IFNG-AS1: variants seen among roughly 807,000 people sequenced by gnomAD.
IFNG-AS1 encodes IFNG antisense RNA 1 (non-protein coding).
At chr12:68,018,273 A>T (rs2120484336) in intron 3 of IFNG-AS1, among the ~76,000 whole-genome samples, 1 of 152,220 alleles carries the variant, frequency 6.6e-6, no homozygotes, top group Middle Eastern at 3.4e-3. Flanking sequence ...GTCTTATACA[A>T]ATTTATATCC....
intron 3 of IFNG-AS1, among the ~76,000 whole-genome samples, chr12:68,007,749 T>C (rs1254537171): frequency 6.6e-6 from 1 of 152,156 alleles, no homozygotes; most frequent in African/African-American, 2.4e-5. Context: ...GAAAATACTT[T>C]TGGGAAGGCT....
chr12:68,000,331 G>A, intron 2 of IFNG-AS1, among the ~76,000 whole-genome samples: 1 of 152,056 alleles, frequency 6.6e-6, no homozygotes, highest in African/African-American at 2.4e-5. Flanking sequence ...TAAAAGAGAT[G>A]ACTTAACACC....
At chr12:68,004,555 C>A (rs1879864573) in intron 2 of IFNG-AS1, among the ~76,000 whole-genome samples, 2 of 152,248 alleles carry the variant, frequency 1.3e-5, no homozygotes, top group South Asian at 4.1e-4. Context: ...ACTCAGTCCA[C>A]ATGGGTCTTT....
intron 2 of IFNG-AS1, among the ~76,000 whole-genome samples, chr12:68,002,758 A>T (rs1225400619): frequency 6.6e-6 from 1 of 152,158 alleles, no homozygotes; most frequent in Non-Finnish European, 1.5e-5. Flanking sequence ...CTTTTGAGGG[A>T]AACTGCATCT....
At chr12:68,008,695 G>A (rs1342619955) in intron 3 of IFNG-AS1, among the ~76,000 whole-genome samples, 1 of 152,120 alleles carries the variant, frequency 6.6e-6, no homozygotes, top group Non-Finnish European at 1.5e-5. Flanking sequence ...CATATGCTAG[G>A]GTTTCATAGT....
At chr12:68,004,234 C>G (rs573670914) in intron 2 of IFNG-AS1, among the ~76,000 whole-genome samples, 1 of 152,188 alleles carries the variant, frequency 6.6e-6, no homozygotes, top group East Asian at 1.9e-4. Flanking sequence ...GCATGGACAG[C>G]ACTCTTTTAT....
At chr12:68,011,277 C>T (rs529991102) in intron 3 of IFNG-AS1, among the ~76,000 whole-genome samples, 7 of 152,326 alleles carry the variant, frequency 4.6e-5, no homozygotes, top group Admixed American at 3.9e-4. Flanking sequence ...GTAAGGTAAA[C>T]TTAAATTTGA....
exon 1 of IFNG-AS1, chr12:67,989,563 G>A (rs917262426): frequency 2.0e-5 from 3 of 152,182 alleles, no homozygotes; most frequent in Admixed American, 6.5e-5. Context: ...AAGATACAAC[G>A]AACTAGCACA....
At chr12:68,004,071 C>T (rs1351854221) in intron 2 of IFNG-AS1, among the ~76,000 whole-genome samples, 1 of 151,938 alleles carries the variant, frequency 6.6e-6, no homozygotes, top group African/African-American at 2.4e-5. Context: ...GAAGCCATGC[C>T]CCCTCACACC....
chr12:68,014,602 T>C (rs1273103474), intron 3 of IFNG-AS1, among the ~76,000 whole-genome samples: 5 of 152,162 alleles, frequency 3.3e-5, no homozygotes, highest in African/African-American at 4.8e-5. Context: ...CTTTTGAGAA[T>C]TGAGCAGACA....
chr12:68,005,044 T>A (rs1879875246), intron 2 of IFNG-AS1, among the ~76,000 whole-genome samples: 1 of 152,296 alleles, frequency 6.6e-6, no homozygotes, highest in Non-Finnish European at 1.5e-5. Context: ...AAAGCAATCA[T>A]GGTGGACAAG....
chr12:68,017,531 C>T (rs915011886), intron 3 of IFNG-AS1, among the ~76,000 whole-genome samples: 1 of 152,088 alleles, frequency 6.6e-6, no homozygotes, highest in Non-Finnish European at 1.5e-5. Flanking sequence ...TGGAGATAAA[C>T]TGGATGTGGA....
At chr12:67,991,900 A>G (rs1200028089) in intron 1 of IFNG-AS1, among the ~76,000 whole-genome samples, 1 of 152,236 alleles carries the variant, frequency 6.6e-6, no homozygotes, top group Admixed American at 6.5e-5. Flanking sequence ...GAATGAAATA[A>G]TAAGTGTCCA....
intron 1 of IFNG-AS1, among the ~76,000 whole-genome samples, chr12:67,995,418 T>C (rs1172622108): frequency 4.9e-5 from 2 of 41,012 alleles, no homozygotes; most frequent in Non-Finnish European, 1.2e-4. Context: ...AGACTCCATT[T>C]CAAAAAAAAA....
chr12:68,001,361 C>A, intron 2 of IFNG-AS1: 1 of 190,742 alleles, frequency 5.2e-6, no homozygotes, highest in Non-Finnish European at 1.1e-5. Flanking sequence ...CCCAGTACAG[C>A]ATGAATCTGA....
intron 2 of IFNG-AS1, among the ~76,000 whole-genome samples, chr12:68,002,184 G>A (rs1350429965): frequency 6.6e-6 from 1 of 152,206 alleles, no homozygotes; most frequent in Non-Finnish European, 1.5e-5. Context: ...AATTGTGCGT[G>A]AGTCAGTGAA....
chr12:67,993,654 A>C (rs1879568354), intron 1 of IFNG-AS1, among the ~76,000 whole-genome samples: 1 of 152,226 alleles, frequency 6.6e-6, no homozygotes, highest in Non-Finnish European at 1.5e-5. Flanking sequence ...TCTACCATGA[A>C]CATATATTAT....
At chr12:68,018,733 T>G (rs971043) in intron 3 of IFNG-AS1, among the ~76,000 whole-genome samples, 142,608 of 151,910 alleles carry the variant, frequency 0.94, 67,492 homozygotes, top group Non-Finnish European at 1. Flanking sequence ...TGCTCAGGCT[T>G]GTTTGAGTCC....
chr12:68,003,404 A>G (rs1268234273), intron 2 of IFNG-AS1, among the ~76,000 whole-genome samples: 1 of 151,056 alleles, frequency 6.6e-6, no homozygotes. Flanking sequence ...CATAGTTCAT[A>G]GAAGCTAATC....
Sources: allele counts gnomAD v4.1 joint callset (sites outside exome capture counted in the v4.1 genomes callset), GRCh38; gene constraint gnomAD v4.1.1; transcripts MANE v1.5; gene names NCBI Gene and HGNC (gene_info 2026-07-23, HGNC 2026-07-21).